The following NUP35 variants were observed in gnomAD, a reference collection of about 807,000 sequenced individuals.
The protein encoded by NUP35 is nucleoporin NUP35.
NUP35 carries 25 observed loss-of-function variants against 41.5 expected under a neutral mutation model. The observed-to-expected ratio is 0.60, with a 90% CI of 0.44 to 0.84. The LOEUF (loss-of-function observed/expected upper bound fraction) is 0.84. Among genes scored for constraint, NUP35 ranks in the 40% least tolerant of loss-of-function variants. The pLI is 0.00. For missense variants in NUP35, 396 were observed against 396.6 expected (o/e 1.00, Z 0.01); for synonymous variants, 149 against 130.7 (o/e 1.14, Z -0.96).
chr2:183,156,342 AT>A (rs1446424491), intron 5 of NUP35, among the ~76,000 whole-genome samples: 2 of 151,952 alleles, frequency 1.3e-5, no homozygotes, highest in Non-Finnish European at 2.9e-5. Flanking sequence ...ATTTTATTTA[AT>A]TAATTAATTT....
At chr2:183,124,803 T>C (rs1181090391) in intron 1 of NUP35, among the ~76,000 whole-genome samples, 1 of 152,180 alleles carries the variant, frequency 6.6e-6, no homozygotes, top group Non-Finnish European at 1.5e-5. Context: ...CTTAACCTCC[T>C]TCTGATACCC....
At chr2:183,121,849 A>T (rs947956839), upstream of NUP35, among the ~76,000 whole-genome samples, 7 of 151,628 alleles carry the variant, frequency 4.6e-5, no homozygotes, top group African/African-American at 1.7e-4. Context: ...TAAATAAATA[A>T]ATAAAATAGC....
intron 5 of NUP35, 80 bp from the exon 6 acceptor site, chr2:183,157,364 T>C: frequency 9.4e-7 from 1 of 1,068,056 alleles, no homozygotes; most frequent in Non-Finnish European, 1.5e-6. Context: ...GCCATTTATC[T>C]TGAAACATTA....
rs753972239 is a variant in NUP35 at position 183,157,432 on chromosome 2, T to G, written c.540-12T>G. On this transcript the variant is annotated splice_polypyrimidine_tract_variant and intron_variant, in intron 5 of 8. Coordinates refer to ENST00000295119, the MANE Select transcript of NUP35 (RefSeq NM_138285.5). The stretch of plus-strand genomic sequence containing the variant: ...GAAGCTGACGTTTTCTTTGGACAAC[T>G]CTTTTTTTCAGGTTTCCTCAAGCAT... The G allele has an allele frequency of 6.3e-7, 1 of 1,599,250 alleles. No homozygotes were observed. The highest frequency in any genetic ancestry group is 1.7e-5 in the Admixed American group (1 of 59,910).
At chr2:183,152,738 G>T (rs555740357) in intron 5 of NUP35, among the ~76,000 whole-genome samples, 14 of 152,274 alleles carry the variant, frequency 9.2e-5, no homozygotes, top group African/African-American at 3.1e-4. Context: ...TACAGGTGAG[G>T]AAACTGAGGT....
chr2:183,131,913 A>G (rs576848324), intron 3 of NUP35, among the ~76,000 whole-genome samples: 2 of 152,312 alleles, frequency 1.3e-5, no homozygotes, highest in African/African-American at 4.8e-5. Context: ...GTTGATAAGT[A>G]AAGCTTATGA....
upstream of NUP35, chr2:183,123,879 C>G (rs1700103913): frequency 1.1e-6 from 1 of 915,542 alleles, no homozygotes; most frequent in Non-Finnish European, 1.3e-6. Context: ...CGTTCGTTAG[C>G]TATATTTTTG....
chr2:183,139,966 TCCACTAC>T (rs1242052164), intron 4 of NUP35, among the ~76,000 whole-genome samples: 1 of 152,226 alleles, frequency 6.6e-6, no homozygotes, highest in Non-Finnish European at 1.5e-5. Context: ...AACACCAGTA[TCCACTAC>T]CAAATAAGAG....
chr2:183,141,788 T>A (rs946319457), intron 4 of NUP35, among the ~76,000 whole-genome samples: 2 of 152,244 alleles, frequency 1.3e-5, no homozygotes, highest in African/African-American at 4.8e-5. Context: ...AATTTCTCTC[T>A]CTTAGCCTCT....
upstream of NUP35, chr2:183,124,258 A>G: frequency 7.3e-7 from 1 of 1,364,112 alleles, no homozygotes; most frequent in Non-Finnish European, 9.6e-7. Context: ...TCCCGGTGCA[A>G]AAACCCTTTC....
At chr2:183,129,523 TAACATTA>T (rs1405489040) in intron 2 of NUP35, among the ~76,000 whole-genome samples, 1 of 152,258 alleles carries the variant, frequency 6.6e-6, no homozygotes, top group Admixed American at 6.5e-5. Flanking sequence ...GTAATTCATT[TAACATTA>T]AACATTAAAT....
chr2:183,132,980 T>G (rs2105553928), intron 3 of NUP35, among the ~76,000 whole-genome samples: 1 of 152,364 alleles, frequency 6.6e-6, no homozygotes, highest in South Asian at 2.1e-4. Context: ...AGAGATTCTG[T>G]TCTCATTTAT....
intron 4 of NUP35, among the ~76,000 whole-genome samples, chr2:183,145,581 T>C (rs935452342): frequency 3.9e-5 from 6 of 152,312 alleles, no homozygotes; most frequent in African/African-American, 1.4e-4. Context: ...TAAAAAGCTA[T>C]CCAGTATAGT....
At chr2:183,151,784 A>T in intron 5 of NUP35, 135 bp downstream of exon 5, 1 of 697,622 alleles carries the variant, frequency 1.4e-6, no homozygotes, top group East Asian at 2.8e-5. Context: ...TCTATGGTTA[A>T]CAGTTTGCTA....
At chr2:183,145,825 C>T (rs1364128400) in intron 4 of NUP35, among the ~76,000 whole-genome samples, 1 of 152,096 alleles carries the variant, frequency 6.6e-6, no homozygotes, top group Non-Finnish European at 1.5e-5. Context: ...CATGTCTTGC[C>T]TCCAAATGAT....
intron 4 of NUP35, among the ~76,000 whole-genome samples, chr2:183,146,686 C>G (rs901395741): frequency 6.6e-6 from 1 of 151,902 alleles, no homozygotes; most frequent in Non-Finnish European, 1.5e-5. Flanking sequence ...AACCTCTACT[C>G]CCCGGGTTTG....
chr2:183,160,619 T>C (rs899094798), intron 8 of NUP35: 1 of 151,980 alleles, frequency 6.6e-6, no homozygotes, highest in Admixed American at 6.6e-5. Flanking sequence ...CCTCAAGTAA[T>C]CTGCCCACCT....
chr2:183,129,105 C>G (rs559405511), intron 2 of NUP35, among the ~76,000 whole-genome samples: 2 of 152,138 alleles, frequency 1.3e-5, no homozygotes, highest in East Asian at 3.9e-4. Flanking sequence ...TCTTAAGATA[C>G]AAGAATAGGA....
In NUP35 at chr2:183,128,472, T is replaced by A. The variant is rs762200467; in HGVS notation, c.211+15T>A. 2.0e-5 allele frequency: 32 copies of A among 1,604,286 alleles called. No homozygotes were observed. The highest frequency in any genetic ancestry group is 7.8e-5 in the South Asian group (7 of 89,952). ...TTTACTTGCAGGTAGGTGAATTGCT[T>A]AAAATAATTTTATAGACATGCTAGA... is the stretch of plus-strand genomic sequence containing the variant. On this transcript the variant is annotated intron_variant, in intron 2 of 8. Coordinates refer to ENST00000295119, the MANE Select transcript of NUP35 (RefSeq NM_138285.5).
Sources: allele counts gnomAD v4.1 joint callset (sites outside exome capture counted in the v4.1 genomes callset), GRCh38; gene constraint gnomAD v4.1.1; transcripts MANE v1.5; gene names NCBI Gene and HGNC (gene_info 2026-07-23, HGNC 2026-07-21).